The following SLC9A9 variants were observed in gnomAD, a reference collection of about 807,000 sequenced individuals.
The protein encoded by SLC9A9 is solute carrier family 9 member A9.
SLC9A9 carries 62 observed loss-of-function variants against 77.8 expected under a neutral mutation model. The ratio of observed to expected loss-of-function variants is 0.80; its 90% CI spans 0.65 to 0.98. The LOEUF is 0.98. SLC9A9 is among the 50% of genes least tolerant of loss of function. The probability of loss-of-function intolerance (pLI) is 0.00; values close to 1 mark genes in which losing one functional copy is unlikely to be tolerated. For missense variants in SLC9A9, 775 were observed against 774.9 expected (o/e 1.00, Z 0.00); for synonymous variants, 320 against 283.5 (o/e 1.13, Z -1.29).
intron 8 of SLC9A9, among the ~76,000 whole-genome samples, chr3:143,555,841 G>A (rs2036969821): frequency 1.3e-5 from 2 of 152,274 alleles, no homozygotes; most frequent in South Asian, 2.1e-4. Context: ...TTGTGTGGAT[G>A]GATATGTCAT....
rs569971351 is a variant in SLC9A9 at position 143,539,880 on chromosome 3, G to A, written c.1089+12482C>T. Among the ~76,000 whole-genome samples the A allele has an allele frequency of 4.5e-3, 533 of 117,696 alleles. 1 individual carries two copies. The highest frequency in any genetic ancestry group is 0.014 in the African/African-American group (502 of 36,536). 77.2% of individuals were successfully genotyped at this position (117,696 alleles called of 152,430 possible). On this transcript the variant is annotated intron_variant, in intron 9 of 15. Coordinates refer to ENST00000316549, the MANE Select transcript of SLC9A9 (RefSeq NM_173653.4). ...GTTTTCTAAAAGTGAAAAATTAAGA[G>A]AGAGAGAGAGAGAGAGAGTGTGCAA...
intron 12 of SLC9A9, among the ~76,000 whole-genome samples, chr3:143,401,265 A>G (rs1193832705): frequency 6.6e-6 from 1 of 151,958 alleles, no homozygotes; most frequent in Non-Finnish European, 1.5e-5. Context: ...ATCCCTCTCT[A>G]TCTACCCCAC....
At chr3:143,607,777 A>G (rs536751359) in intron 6 of SLC9A9, among the ~76,000 whole-genome samples, 1 of 151,872 alleles carries the variant, frequency 6.6e-6, no homozygotes, top group African/African-American at 2.4e-5. Flanking sequence ...AAAACACAAA[A>G]TAAGGTATGA....
chr3:143,440,145 G>A (rs1214888436), intron 12 of SLC9A9, among the ~76,000 whole-genome samples: 2 of 152,180 alleles, frequency 1.3e-5, no homozygotes, highest in African/African-American at 2.4e-5. Flanking sequence ...ATATGCTGAC[G>A]GTGGCTGAGA....
chr3:143,405,124 C>CT (rs1382707185), intron 12 of SLC9A9, among the ~76,000 whole-genome samples: 3 of 152,110 alleles, frequency 2.0e-5, no homozygotes, highest in African/African-American at 7.2e-5. Context: ...CCAGAAGGGC[C>CT]TTTTTTGTCT....
intron 8 of SLC9A9, among the ~76,000 whole-genome samples, chr3:143,559,652 C>T (rs148315119): frequency 2.6e-5 from 4 of 152,034 alleles, no homozygotes; most frequent in Non-Finnish European, 4.4e-5. Context: ...TAAGTGAAGA[C>T]AAGATAAGCT....
At chr3:143,696,425 A>G (rs1002317284) in intron 4 of SLC9A9, among the ~76,000 whole-genome samples, 4 of 152,210 alleles carry the variant, frequency 2.6e-5, no homozygotes, top group African/African-American at 9.6e-5. Context: ...TGGGGCACAC[A>G]GTTTAGCAGG....
chr3:143,818,455 C>T (rs1036095642), intron 2 of SLC9A9, among the ~76,000 whole-genome samples: 2 of 152,014 alleles, frequency 1.3e-5, no homozygotes, highest in African/African-American at 4.8e-5. Context: ...TACAGGGATG[C>T]ACCGCCACGC....
At chr3:143,711,188 A>C (rs558255815) in intron 4 of SLC9A9, among the ~76,000 whole-genome samples, 25 of 152,310 alleles carry the variant, frequency 1.6e-4, no homozygotes, top group African/African-American at 5.8e-4. Flanking sequence ...GGAGAGCTTC[A>C]ACTGGTCTGT....
chr3:143,638,015 A>G (rs1189587917), intron 6 of SLC9A9, among the ~76,000 whole-genome samples: 2 of 152,248 alleles, frequency 1.3e-5, no homozygotes, highest in African/African-American at 4.8e-5. Flanking sequence ...TGAAAAGGCT[A>G]AAAGTGAACA....
At chr3:143,539,275 T>C (rs2036645938) in intron 9 of SLC9A9, among the ~76,000 whole-genome samples, 1 of 152,214 alleles carries the variant, frequency 6.6e-6, no homozygotes, top group Non-Finnish European at 1.5e-5. Context: ...TCGGGTACTT[T>C]ATTAGGAGTT....
At chr3:143,377,682 C>T (rs2033211135) in intron 13 of SLC9A9, among the ~76,000 whole-genome samples, 1 of 152,156 alleles carries the variant, frequency 6.6e-6, no homozygotes, top group African/African-American at 2.4e-5. Flanking sequence ...GAAAATTATC[C>T]TCATCACAAC....
intron 12 of SLC9A9, among the ~76,000 whole-genome samples, chr3:143,446,698 G>C (rs181865160): frequency 3.3e-5 from 5 of 152,302 alleles, no homozygotes; most frequent in African/African-American, 1.2e-4. Context: ...GTGGGAATGC[G>C]GTGGGAGTAC....
intron 6 of SLC9A9, among the ~76,000 whole-genome samples, chr3:143,586,425 C>T (rs2037542567): frequency 6.6e-6 from 1 of 151,810 alleles, no homozygotes; most frequent in South Asian, 2.1e-4. Context: ...TTTTAAGGAC[C>T]AACACAACAT....
At chr3:143,536,202 G>C (rs2108625714) in intron 9 of SLC9A9, among the ~76,000 whole-genome samples, 1 of 152,264 alleles carries the variant, frequency 6.6e-6, no homozygotes, top group Non-Finnish European at 1.5e-5. Context: ...GGTTACTTTT[G>C]ACTCAATAGA....
chr3:143,706,800 A>G (rs1348428421), intron 4 of SLC9A9, among the ~76,000 whole-genome samples: 3 of 152,326 alleles, frequency 2.0e-5, no homozygotes, highest in South Asian at 2.1e-4. Flanking sequence ...TTTAAACATT[A>G]TAAGATTTTT....
chr3:143,840,214 TG>T (rs2009672053), intron 1 of SLC9A9, among the ~76,000 whole-genome samples: 1 of 115,638 alleles, frequency 8.6e-6, no homozygotes, highest in South Asian at 3.0e-4. Flanking sequence ...GGAAACACAC[TG>T]AGAAGCATTG....
At chr3:143,293,655 T>C (rs1202681211) in intron 14 of SLC9A9, among the ~76,000 whole-genome samples, 2 of 152,228 alleles carry the variant, frequency 1.3e-5, no homozygotes, top group Non-Finnish European at 2.9e-5. Context: ...GTTTGGAGAC[T>C]GAATTTTAGC....
chr3:143,504,018 G>A (rs182135629), intron 9 of SLC9A9: 51 of 463,842 alleles, frequency 1.1e-4, no homozygotes, highest in East Asian at 8.5e-4. Flanking sequence ...CGCCCCATTT[G>A]ACTGGGGTAG....
Sources: gnomAD v4.1 joint callset for allele counts (sites outside exome capture counted in the v4.1 genomes callset) on GRCh38, gnomAD v4.1.1 for gene constraint, MANE v1.5 for transcripts, NCBI Gene and HGNC (gene_info 2026-07-23, HGNC 2026-07-21) for gene names.